The following ADGRD1 variants were observed in gnomAD, a reference collection of about 807,000 sequenced individuals.
The protein encoded by ADGRD1 is adhesion G protein-coupled receptor D1.
A neutral mutation model predicts 113.4 loss-of-function variants in ADGRD1; 77 were observed. That is an observed-to-expected ratio of 0.68 (90% confidence interval 0.57 to 0.82). ADGRD1 has a LOEUF of 0.82. Ranked by LOEUF, ADGRD1 falls within the 40% of genes least tolerant of loss-of-function variation. ADGRD1 has a pLI of 0.00. For missense variants in ADGRD1, 1,036 were observed against 1,139.1 expected, an observed-to-expected ratio of 0.91 and a Z score of 1.30; for synonymous variants, 474 against 475.0, an observed-to-expected ratio of 1.00 and a Z score of 0.03.
intron 15 of ADGRD1, among the ~76,000 whole-genome samples, chr12:131,086,527 T>A (rs898433763): frequency 6.6e-6 from 1 of 152,166 alleles, no homozygotes; most frequent in Non-Finnish European, 1.5e-5. Flanking sequence ...TGGACCACAG[T>A]TAACTCTCAG....
intron 13 of ADGRD1, among the ~76,000 whole-genome samples, chr12:131,031,785 T>G (rs1251869245): frequency 1.3e-5 from 2 of 152,162 alleles, no homozygotes. Flanking sequence ...GTGACTTGGC[T>G]TCTCCCCAGG....
intron 8 of ADGRD1, among the ~76,000 whole-genome samples, chr12:130,995,308 G>A (rs912114548): frequency 1.3e-5 from 2 of 152,234 alleles, no homozygotes; most frequent in Non-Finnish European, 1.5e-5. Flanking sequence ...TGGCGTATGC[G>A]CAGTGAGGTG....
rs1413624361 is a variant in ADGRD1 at position 131,113,978 on chromosome 12, C to T, written c.2042-4407C>T. 2.0e-5 allele frequency among the ~76,000 whole-genome samples: 3 copies of T among 152,230 alleles called. No individual in the cohort carries two copies. Among genetic ancestry groups the T allele is most frequent in the Admixed American group, 6.5e-5 (1 of 15,306 alleles). On this transcript the variant is annotated intron_variant, in intron 18 of 24. Transcript: ENST00000261654. The surrounding 1 kb of genome is among the most constrained non-coding windows in gnomAD (Gnocchi z 4.9). The stretch of plus-strand genomic sequence containing the variant: ...TACAGTCATGTAATTTAGAGGCATA[C>T]GTGCATGTGTGCACGCACACACACG...
At chr12:131,013,412 G>A (rs769809639) in intron 12 of ADGRD1, among the ~76,000 whole-genome samples, 2 of 152,112 alleles carry the variant, frequency 1.3e-5, no homozygotes, top group Admixed American at 1.3e-4. Flanking sequence ...CCAGGGCCTC[G>A]TGCCTCAGGG....
chr12:131,042,920 T>C (rs972267441), intron 13 of ADGRD1, among the ~76,000 whole-genome samples: 6 of 152,206 alleles, frequency 3.9e-5, no homozygotes, highest in Admixed American at 1.3e-4. Context: ...CATTCCCCAG[T>C]GGTAACTGTC....
chr12:130,969,051 T>G (rs1420001640), intron 3 of ADGRD1: 3 of 1,524,042 alleles, frequency 2.0e-6, no homozygotes, highest in Non-Finnish European at 2.6e-6. Context: ...TTCTGCCTAC[T>G]CAAATCTCTC....
chr12:131,042,539 T>G (rs1167986555), intron 13 of ADGRD1, among the ~76,000 whole-genome samples: 2 of 152,216 alleles, frequency 1.3e-5, no homozygotes, highest in African/African-American at 4.8e-5. Flanking sequence ...CTATACGTCC[T>G]CCACTTGAAA....
chr12:131,121,854 C>G (rs1207686232), intron 20 of ADGRD1: 1 of 152,490 alleles, frequency 6.6e-6, no homozygotes, highest in African/African-American at 2.4e-5. Context: ...TCGCAAGTCC[C>G]AGGCTGGTTC....
rs138806236 is a variant in ADGRD1 at position 131,006,497 on chromosome 12, A to T, written c.1331+450A>T. 4.5e-3 allele frequency among the ~76,000 whole-genome samples: 687 copies of T among 152,284 alleles called. 7 individuals are homozygous for T. The highest frequency in any genetic ancestry group is 0.016 in the African/African-American group (645 of 41,556). Reference sequence around the variant, plus strand: ...AGGGAGGAGCAGGTGGGCCTCAGTCATGGCTGGACCCGGGGACCCCGAGGA... The same window carrying T: ...AGGGAGGAGCAGGTGGGCCTCAGTCTTGGCTGGACCCGGGGACCCCGAGGA... On this transcript the variant is annotated intron_variant, in intron 12 of 24. Coordinates refer to ENST00000261654, the MANE Select transcript of ADGRD1 (RefSeq NM_198827.5).
intron 22 of ADGRD1, 23 bp from the exon 23 acceptor site, chr12:131,136,950 G>C (rs1842167666): frequency 1.3e-6 from 2 of 1,596,434 alleles, no homozygotes; most frequent in Non-Finnish European, 1.7e-6. Context: ...TCTAATCTCT[G>C]CGTTTCTTCC....
intron 12 of ADGRD1, among the ~76,000 whole-genome samples, chr12:131,007,352 A>G (rs994036118): frequency 6.6e-6 from 1 of 152,252 alleles, no homozygotes; most frequent in African/African-American, 2.4e-5. Flanking sequence ...GCTGCCTTCC[A>G]ATACAGCTTT....
At chr12:131,135,239 C>T (rs1951043861) in intron 21 of ADGRD1, among the ~76,000 whole-genome samples, 1 of 152,196 alleles carries the variant, frequency 6.6e-6, no homozygotes, top group Non-Finnish European at 1.5e-5. Context: ...TGATGAAACC[C>T]TGTATCACCT....
intron 17 of ADGRD1, among the ~76,000 whole-genome samples, chr12:131,107,253 AG>A (rs1199378473): frequency 6.8e-6 from 1 of 146,128 alleles, no homozygotes; most frequent in Non-Finnish European, 1.5e-5. Context: ...ATCCCAGGGA[AG>A]GGCTCTGATG....
intron 13 of ADGRD1, chr12:131,069,493 TA>T (rs1335975203): frequency 6.6e-6 from 1 of 152,348 alleles, no homozygotes; most frequent in East Asian, 1.9e-4. Context: ...TTCACTCATG[TA>T]AAACAGAGCA....
chr12:131,127,129 A>AG (rs1950756082), intron 20 of ADGRD1, among the ~76,000 whole-genome samples: 1 of 152,168 alleles, frequency 6.6e-6, no homozygotes, highest in Admixed American at 6.5e-5. Context: ...AGAAAAAAAA[A>AG]GACCCAGCAA....
chr12:131,036,985 G>T (rs1392284743), intron 13 of ADGRD1, among the ~76,000 whole-genome samples: 1 of 132,278 alleles, frequency 7.6e-6, no homozygotes, highest in African/African-American at 2.8e-5. Flanking sequence ...ACTGCATGGA[G>T]CCTCACTCAC....
intron 13 of ADGRD1, chr12:131,026,263 G>C (rs1456581845): frequency 6.6e-6 from 1 of 152,246 alleles, no homozygotes; most frequent in Non-Finnish European, 1.5e-5. Context: ...CCTCCAGAGG[G>C]CTGGGTGGCC....
At chr12:130,980,595 A>G (rs1424913489) in intron 4 of ADGRD1, 2 of 150,276 alleles carry the variant, frequency 1.3e-5, no homozygotes, top group African/African-American at 4.9e-5. Flanking sequence ...ACGGCATTTC[A>G]CTATGCTGGC....
At position 130,987,329 on chromosome 12, in the gene ADGRD1, T is replaced by C. The variant is rs201057341; in HGVS notation, c.725T>C (p.Met242Thr). 1.2e-6 allele frequency: 2 copies of C among 1,614,198 alleles called. No individual in the cohort carries two copies. The highest frequency in any genetic ancestry group is 2.2e-5 in the East Asian group (1 of 44,882). ...ERALTPDEIAMYFTAAIGKHA... is the reference protein window; with the variant it reads ...ERALTPDEIATYFTAAIGKHA... ...GCTCTGACTCCGGATGAGATCGCCA[T>C]GTACTTCACTGCTGCCATTGGTCAG... The change falls in exon 6 of 25, where the codon ATG becomes ACG. Residue 242 changes from methionine (M) to threonine (T), a missense_variant. By Grantham distance (81) the Met-to-Thr change is moderately conservative (BLOSUM62 -1). Transcript: ENST00000261654.
Sources: allele counts gnomAD v4.1 joint callset (sites outside exome capture counted in the v4.1 genomes callset), GRCh38; gene constraint gnomAD v4.1.1; non-coding constraint Gnocchi (gnomAD v3.1); transcripts MANE v1.5; gene names NCBI Gene and HGNC (gene_info 2026-07-23, HGNC 2026-07-21).